AGBL4: variants seen among roughly 807,000 people sequenced by gnomAD.
AGBL4 encodes AGBL carboxypeptidase 4.
A neutral mutation model predicts 66.4 loss-of-function variants in AGBL4; 58 were observed. That is an observed-to-expected ratio of 0.87 (90% CI 0.71 to 1.09). AGBL4 has a LOEUF of 1.09. Ranked by LOEUF, AGBL4 falls within the 50% of genes least tolerant of loss-of-function variation. The probability of loss-of-function intolerance (pLI) is 0.00; values close to 1 mark genes in which losing one functional copy is unlikely to be tolerated. For synonymous variants in AGBL4, 234 were observed against 222.9 expected (o/e 1.05, Z -0.44); for missense variants, 579 against 631.0 (o/e 0.92, Z 0.88).
intron 1 of AGBL4, among the ~76,000 whole-genome samples, chr1:49,985,161 C>G (rs916818777): frequency 6.6e-6 from 1 of 152,058 alleles, no homozygotes; most frequent in Non-Finnish European, 1.5e-5. Context: ...GCATAGTATC[C>G]AACACTTAGT....
intron 8 of AGBL4, 84 bp from the exon 9 acceptor site, chr1:48,634,688 A>G: frequency 1.1e-6 from 1 of 888,536 alleles, no homozygotes; most frequent in Non-Finnish European, 1.7e-6. Context: ...GAGTAGGAGC[A>G]GTGATTATGT....
At chr1:48,683,567 G>A (rs1051662747) in intron 6 of AGBL4, among the ~76,000 whole-genome samples, 1 of 149,014 alleles carries the variant, frequency 6.7e-6, no homozygotes, top group Non-Finnish European at 1.5e-5. Flanking sequence ...CACAAAAAGC[G>A]TGTTCAAAAA....
At chr1:48,899,035 G>C (rs959720835) in intron 5 of AGBL4, among the ~76,000 whole-genome samples, 12 of 152,346 alleles carry the variant, frequency 7.9e-5, no homozygotes, top group African/African-American at 2.4e-4. Context: ...AACCTTGGAC[G>C]TGGCGGGGCT....
chr1:49,658,693 T>A (rs531435641), intron 3 of AGBL4, among the ~76,000 whole-genome samples: 1 of 152,144 alleles, frequency 6.6e-6, no homozygotes, highest in Admixed American at 6.5e-5. Flanking sequence ...AAATGATGAG[T>A]TCATGTCCTT....
At chr1:48,739,022 T>G (rs1246768786) in intron 6 of AGBL4, among the ~76,000 whole-genome samples, 1 of 152,214 alleles carries the variant, frequency 6.6e-6, no homozygotes, top group Non-Finnish European at 1.5e-5. Context: ...GCTTCTGCTC[T>G]CCCTGTCTTC....
intron 3 of AGBL4, among the ~76,000 whole-genome samples, chr1:49,261,153 A>G (rs1166096256): frequency 4.6e-5 from 7 of 151,750 alleles, no homozygotes; most frequent in African/African-American, 1.2e-4. Flanking sequence ...TTGATGGGAC[A>G]TATCTCAAAA....
At chr1:49,717,260 C>T (rs184452898) in intron 2 of AGBL4, among the ~76,000 whole-genome samples, 1 of 152,000 alleles carries the variant, frequency 6.6e-6, no homozygotes, top group Non-Finnish European at 1.5e-5. Flanking sequence ...GAATCAATAT[C>T]GTGAAAATGG....
chr1:49,913,574 T>C (rs966479091), intron 1 of AGBL4, among the ~76,000 whole-genome samples: 19 of 152,328 alleles, frequency 1.2e-4, no homozygotes, highest in African/African-American at 4.3e-4. Flanking sequence ...TGGATGCTGG[T>C]GGCCCTACAG....
chr1:48,763,652 G>C (rs1237735988), intron 6 of AGBL4, among the ~76,000 whole-genome samples: 1 of 152,188 alleles, frequency 6.6e-6, no homozygotes, highest in African/African-American at 2.4e-5. Context: ...GACAAGCTAT[G>C]CTATGCCTTC....
intron 6 of AGBL4, among the ~76,000 whole-genome samples, chr1:48,793,118 T>C (rs1570686734): frequency 6.6e-6 from 1 of 152,324 alleles, no homozygotes. Flanking sequence ...GCTTCTCACT[T>C]GGCACAAGCT....
At chr1:50,016,566 A>G (rs573399288) in intron 1 of AGBL4, among the ~76,000 whole-genome samples, 1 of 152,322 alleles carries the variant, frequency 6.6e-6, no homozygotes, top group East Asian at 1.9e-4. Flanking sequence ...TGTCTCAAAA[A>G]ATAATAAATA....
chr1:48,922,807 A>G (rs1272685013), intron 5 of AGBL4, among the ~76,000 whole-genome samples: 1 of 152,110 alleles, frequency 6.6e-6, no homozygotes, highest in Non-Finnish European at 1.5e-5. Context: ...ATGTCCAATT[A>G]ATATCATTTA....
At chr1:49,519,617 T>C (rs1650096933) in intron 3 of AGBL4, among the ~76,000 whole-genome samples, 1 of 152,074 alleles carries the variant, frequency 6.6e-6, no homozygotes, top group Non-Finnish European at 1.5e-5. Context: ...ACATATCTTT[T>C]TTATACCTTA....
At chr1:49,950,066 A>ATGTGTG (rs1655977696) in intron 1 of AGBL4, among the ~76,000 whole-genome samples, 1 of 141,288 alleles carries the variant, frequency 7.1e-6, no homozygotes, top group Non-Finnish European at 1.5e-5. Flanking sequence ...ATATACACAC[A>ATGTGTG]TATATATACA....
At chr1:49,173,374 G>A (rs1646774014) in intron 4 of AGBL4, among the ~76,000 whole-genome samples, 1 of 152,120 alleles carries the variant, frequency 6.6e-6, no homozygotes, top group Admixed American at 6.5e-5. Context: ...AAACCCAATA[G>A]TAAACTAGAA....
At chr1:49,157,695 C>T (rs1052623859) in intron 4 of AGBL4, among the ~76,000 whole-genome samples, 3 of 152,156 alleles carry the variant, frequency 2.0e-5, no homozygotes, top group Admixed American at 2.0e-4. Flanking sequence ...AAATTCCCAC[C>T]AACAGTGTAA....
chr1:49,891,442 G>A (rs562707485), intron 1 of AGBL4, among the ~76,000 whole-genome samples: 1 of 152,120 alleles, frequency 6.6e-6, no homozygotes, highest in Admixed American at 6.6e-5. Flanking sequence ...ACTGTAGGAG[G>A]TGCTAGTGGC....
In AGBL4 at chr1:48,973,059, T is replaced by C. The variant is rs370615415; in HGVS notation, c.594+72525A>G. Among the ~76,000 whole-genome samples, 31 of 152,298 alleles carry C rather than the reference T, an allele frequency of 2.0e-4. 2 individuals carry two copies. The East Asian group carries it at 3.7e-3, about 18-fold the overall frequency. Reference sequence around the variant, plus strand: ...AGTGTGTAGTGTGTGCAAGTGTGTGTGTGTCAGGAAATACGTAAACAGAAT... The same window carrying C: ...AGTGTGTAGTGTGTGCAAGTGTGTGCGTGTCAGGAAATACGTAAACAGAAT... On this transcript the variant is annotated intron_variant, in intron 5 of 13. Coordinates refer to ENST00000371839, the MANE Select transcript of AGBL4 (RefSeq NM_032785.4).
At position 48,769,475 on chromosome 1, in the gene AGBL4, A is replaced by T. The variant is rs1054473648; in HGVS notation, c.634+97716T>A. Reference sequence around the variant, plus strand: ...TCGCAGAGGAACAAACAGGGAGGGAAATATTAATAGTAAGCCTTTCATGCT... The same window carrying T: ...TCGCAGAGGAACAAACAGGGAGGGATATATTAATAGTAAGCCTTTCATGCT... On this transcript the variant is annotated intron_variant, in intron 6 of 13. Coordinates refer to ENST00000371839, the MANE Select transcript of AGBL4 (RefSeq NM_032785.4). 6.1e-5 allele frequency among the ~76,000 whole-genome samples: 9 copies of T among 148,000 alleles called. No individual in the cohort carries two copies. In the East Asian group the frequency reaches 1.9e-3, roughly 31 times the overall value.
Sources: allele counts gnomAD v4.1 joint callset (sites outside exome capture counted in the v4.1 genomes callset), GRCh38; gene constraint gnomAD v4.1.1; transcripts MANE v1.5; gene names NCBI Gene and HGNC (gene_info 2026-07-23, HGNC 2026-07-21).